TPST1: variants seen among roughly 807,000 people sequenced by gnomAD.
TPST1 encodes the protein protein-tyrosine sulfotransferase 1.
TPST1 carries 20 observed loss-of-function variants against 34.8 expected under a neutral mutation model. That is an observed-to-expected ratio of 0.57 (90% CI 0.40 to 0.84). The LOEUF is 0.84. Among genes scored for constraint, TPST1 ranks in the 40% least tolerant of loss-of-function variants. The probability of loss-of-function intolerance (pLI) is 0.00; values close to 1 mark genes in which losing one functional copy is unlikely to be tolerated. For missense variants in TPST1, 353 were observed against 455.5 expected (o/e 0.78, Z 2.05); for synonymous variants, 152 against 159.4 (o/e 0.95, Z 0.35).
At chr7:66,325,851 G>T (rs1266669885) in intron 3 of TPST1, among the ~76,000 whole-genome samples, 1 of 152,116 alleles carries the variant, frequency 6.6e-6, no homozygotes, top group Non-Finnish European at 1.5e-5. Flanking sequence ...GGCCAGGCTG[G>T]TCTCGAACTC....
chr7:66,299,069 T>C (rs1005140969), intron 3 of TPST1, among the ~76,000 whole-genome samples: 1 of 151,150 alleles, frequency 6.6e-6, no homozygotes, highest in Non-Finnish European at 1.5e-5. Context: ...GAGCTTGCAG[T>C]GAGCTGTGAT....
chr7:66,278,123 A>AAAG (rs1790857133), intron 2 of TPST1, among the ~76,000 whole-genome samples: 1 of 150,998 alleles, frequency 6.6e-6, no homozygotes, highest in African/African-American at 2.4e-5. Flanking sequence ...AAAAAAAAAA[A>AAAG]AAAAAATTGC....
intron 2 of TPST1, among the ~76,000 whole-genome samples, chr7:66,274,677 G>A (rs1790771070): frequency 6.6e-6 from 1 of 152,094 alleles, no homozygotes; most frequent in South Asian, 2.1e-4. Context: ...TGATATATTT[G>A]CAAACCATAT....
rs543924277 is a variant in TPST1, at chr7:66,354,255, C to T, written c.1095+1700C>T. ...GGGCAGATTCATGAACAGACTGACACCGGCTGTGGAAATTGGAGCCAGAGA... is the reference window on the plus strand; with the variant it reads ...GGGCAGATTCATGAACAGACTGACATCGGCTGTGGAAATTGGAGCCAGAGA... On this transcript the variant is annotated intron_variant, in intron 4 of 5. Coordinates refer to ENST00000304842, the MANE Select transcript of TPST1 (RefSeq NM_003596.4). Among the ~76,000 whole-genome samples, 47 of 152,210 alleles carry T rather than the reference C, an allele frequency of 3.1e-4. 2 individuals are homozygous for T. In the South Asian group the frequency reaches 8.7e-3, roughly 28 times the overall value.
chr7:66,265,462 A>G (rs1472924389), intron 2 of TPST1, among the ~76,000 whole-genome samples: 1 of 151,980 alleles, frequency 6.6e-6, no homozygotes, highest in East Asian at 1.9e-4. Flanking sequence ...AGGTTGGAGG[A>G]TCACTTAAGC....
chr7:66,307,936 T>C lies in TPST1; in HGVS notation c.1044+21227T>C, dbSNP rs184285854. Among the ~76,000 whole-genome samples, 718 of 152,372 alleles carry C rather than the reference T, an allele frequency of 4.7e-3. 3 individuals are homozygous for C. The highest frequency in any genetic ancestry group is 6.9e-3 in the Non-Finnish European group (468 of 68,036). On this transcript the variant is annotated intron_variant, in intron 3 of 5. Coordinates refer to ENST00000304842, the MANE Select transcript of TPST1 (RefSeq NM_003596.4). Reference sequence around the variant, plus strand: ...ATGGGACACAAATACCCTCACACTTTGTCCTGTTTGAGAATAGTTTATTGA... The same window carrying C: ...ATGGGACACAAATACCCTCACACTTCGTCCTGTTTGAGAATAGTTTATTGA...
chr7:66,355,446 G>A (rs879574465), intron 4 of TPST1, among the ~76,000 whole-genome samples: 2 of 150,760 alleles, frequency 1.3e-5, no homozygotes, highest in Non-Finnish European at 3.0e-5. Context: ...CTGCACTCCA[G>A]CCTGGGAAAG....
chr7:66,300,860 C>T (rs188833347), intron 3 of TPST1, among the ~76,000 whole-genome samples: 75 of 152,022 alleles, frequency 4.9e-4, no homozygotes, highest in African/African-American at 1.7e-3. Flanking sequence ...GCAAGAGAAT[C>T]GCTTGAACCG....
chr7:66,252,418 C>T (rs1430502769), intron 2 of TPST1, among the ~76,000 whole-genome samples: 14 of 143,964 alleles, frequency 9.7e-5, no homozygotes, highest in East Asian at 6.2e-4. Context: ...TGCAGTGGCG[C>T]GATCTCTGCC....
At chr7:66,238,019 C>A (rs1789946596) in intron 1 of TPST1, among the ~76,000 whole-genome samples, 1 of 152,266 alleles carries the variant, frequency 6.6e-6, no homozygotes, top group African/African-American at 2.4e-5. Flanking sequence ...TACCTTCTAA[C>A]CTATATGTCT....
chr7:66,289,215 C>T lies in TPST1; in HGVS notation c.1044+2506C>T, dbSNP rs1438831907. 3.4e-5 allele frequency among the ~76,000 whole-genome samples: 2 copies of T among 58,814 alleles called. 1 individual carries two copies. The highest frequency in any genetic ancestry group is 6.4e-5 in the Non-Finnish European group (2 of 31,254). 38.6% of individuals were successfully genotyped at this position (58,814 alleles called of 152,430 possible). On this transcript the variant is annotated intron_variant, in intron 3 of 5. Transcript: ENST00000304842. ...ATCCCAGGGATGAAGCCCACCTGAT[C>T]ATGGTGGATAAGCTTTTTGATGTGC...
intron 2 of TPST1, among the ~76,000 whole-genome samples, chr7:66,261,304 G>T (rs1790484835): frequency 7.1e-6 from 1 of 141,694 alleles, no homozygotes. Context: ...ATTTCAATAT[G>T]GTCCTTTGAA....
intron 3 of TPST1, among the ~76,000 whole-genome samples, chr7:66,308,898 T>C (rs1358217978): frequency 6.6e-6 from 1 of 152,136 alleles, no homozygotes. Context: ...TTCTAACCTT[T>C]TGAATAAATT....
intron 3 of TPST1, among the ~76,000 whole-genome samples, chr7:66,298,850 G>A (rs1050651201): frequency 6.6e-6 from 1 of 152,090 alleles, no homozygotes; most frequent in Non-Finnish European, 1.5e-5. Context: ...TAGGCCGGGT[G>A]CAGTGGCTCA....
chr7:66,278,700 G>A (rs1262976199), intron 2 of TPST1, among the ~76,000 whole-genome samples: 3 of 151,812 alleles, frequency 2.0e-5, no homozygotes, highest in South Asian at 2.1e-4. Context: ...GGAGAATGGC[G>A]TGAACCTGGG....
intron 2 of TPST1, among the ~76,000 whole-genome samples, chr7:66,270,767 G>T (rs944981010): frequency 6.6e-6 from 1 of 152,126 alleles, no homozygotes; most frequent in Non-Finnish European, 1.5e-5. Context: ...TGATCGCTGA[G>T]CCCAGAGGCT....
At chr7:66,358,286 A>C (rs1479338346) in intron 5 of TPST1, among the ~76,000 whole-genome samples, 2 of 151,104 alleles carry the variant, frequency 1.3e-5, no homozygotes, top group African/African-American at 4.9e-5. Context: ...AAAATCTGAT[A>C]TTGATAGTGA....
intron 3 of TPST1, among the ~76,000 whole-genome samples, chr7:66,321,073 A>G (rs1791746921): frequency 6.6e-6 from 1 of 152,234 alleles, no homozygotes; most frequent in African/African-American, 2.4e-5. Flanking sequence ...AAGACCACTC[A>G]TAGTAATCAG....
At chr7:66,285,451 C>T (rs1791016217) in intron 2 of TPST1, among the ~76,000 whole-genome samples, 1 of 152,082 alleles carries the variant, frequency 6.6e-6, no homozygotes, top group Non-Finnish European at 1.5e-5. Flanking sequence ...GAATGTGGCT[C>T]CTGAGGTAGG....
Sources: allele counts gnomAD v4.1 joint callset (sites outside exome capture counted in the v4.1 genomes callset), GRCh38; gene constraint gnomAD v4.1.1; transcripts MANE v1.5; gene names NCBI Gene and HGNC (gene_info 2026-07-23, HGNC 2026-07-21).